Variants in SLC11A1 observed in about 807,000 individuals in gnomAD.
The protein encoded by SLC11A1 is solute carrier family 11 member 1.
Under a neutral mutation model 63.2 loss-of-function variants are expected in SLC11A1, and 59 were observed. That is an observed-to-expected ratio of 0.93 (90% CI 0.76 to 1.16). The LOEUF (loss-of-function observed/expected upper bound fraction) is 1.16. Ranked by LOEUF, SLC11A1 falls within the 50% of genes most tolerant of loss-of-function variation. SLC11A1 has a pLI of 0.00. For missense variants in SLC11A1, 688 were observed against 730.7 expected (o/e 0.94, Z 0.67); for synonymous variants, 305 against 307.8 (o/e 0.99, Z 0.09).
intron 1 of SLC11A1, among the ~76,000 whole-genome samples, chr2:218,382,755 C>T (rs1047159886): frequency 6.6e-6 from 1 of 152,186 alleles, no homozygotes; most frequent in Non-Finnish European, 1.5e-5. Context: ...TCTGTCCTCA[C>T]ATGAGAGGAC....
chr2:218,391,422 G>A lies in SLC11A1; in HGVS notation c.1091G>A (p.Trp364Ter), dbSNP rs1696438148. The change falls in exon 11 of 15, where the codon TGG becomes TAG. Residue 364 changes from tryptophan (W) to a stop codon, truncating the protein, a stop_gained. Coordinates refer to ENST00000233202, the MANE Select transcript of SLC11A1 (RefSeq NM_000578.4). LOFTEE classifies it high-confidence loss of function. ...TTCGGCCCCGCGGCCCTCTACATCT[G>A]GGCCATAGGTCTCCTGGCGGCTGGG... ...CLFGPAALYI[W>*]AIGLLAAGQS... is the part of the protein sequence containing the mutation. 1 of 1,613,798 alleles carries A rather than the reference G, an allele frequency of 6.2e-7. No homozygotes were observed. Among genetic ancestry groups the A allele is most frequent in the African/African-American group, 1.3e-5 (1 of 74,924 alleles).
intron 5 of SLC11A1, 26 bp from the exon 6 acceptor site, chr2:218,387,134 G>A (rs1430158498): frequency 1.4e-5 from 22 of 1,611,606 alleles, no homozygotes; most frequent in Non-Finnish European, 1.8e-5. Context: ...ACCAGGCTGG[G>A]CTGACCCGGG....
At chr2:218,393,302 C>T (rs1696562818) in intron 12 of SLC11A1, among the ~76,000 whole-genome samples, 172 bp downstream of exon 12, 2 of 151,884 alleles carry the variant, frequency 1.3e-5, no homozygotes, top group South Asian at 4.1e-4. Flanking sequence ...GTAGGAATCA[C>T]CATTATCCTT....
chr2:218,385,860 G>A (rs923988174), intron 4 of SLC11A1, among the ~76,000 whole-genome samples: 1 of 152,192 alleles, frequency 6.6e-6, no homozygotes, highest in African/African-American at 2.4e-5. Context: ...ACTGGTTGGG[G>A]TGGACCCTGG....
rs547058327 is a variant in SLC11A1, at chr2:218,394,440, C to T, written c.1389-192C>T. ...CTCAGACTCAGCTCTTGCCAAATCCCGCCAGTGTGTAGCCTGGAGGGCCCA... is the reference window on the plus strand; with the variant it reads ...CTCAGACTCAGCTCTTGCCAAATCCTGCCAGTGTGTAGCCTGGAGGGCCCA... On this transcript the variant is annotated intron_variant, in intron 13 of 14. Coordinates refer to ENST00000233202, the MANE Select transcript of SLC11A1 (RefSeq NM_000578.4). The T allele has an allele frequency of 6.8e-5, 49 of 724,666 alleles. No homozygotes were observed. In the Admixed American group the frequency reaches 7.0e-4, roughly 10 times the overall value. The allele number at this position is 724,666 out of a possible 1,614,324, so 44.9% of individuals were successfully genotyped here.
At chr2:218,394,432 C>A in intron 13 of SLC11A1, 200 bp from the exon 14 acceptor site, 1 of 712,410 alleles carries the variant, frequency 1.4e-6, no homozygotes, top group South Asian at 1.9e-5. Flanking sequence ...TCAGCTCTTG[C>A]CAAATCCCGC....
At chr2:218,382,601 CG>C (rs1213917911) in intron 1 of SLC11A1, among the ~76,000 whole-genome samples, 1 of 152,174 alleles carries the variant, frequency 6.6e-6, no homozygotes, top group Non-Finnish European at 1.5e-5. Context: ...GTCTGAAGTC[CG>C]TGGATCAAAG....
intron 11 of SLC11A1, 166 bp downstream of exon 11, chr2:218,391,661 G>T: frequency 1.1e-6 from 1 of 942,334 alleles, no homozygotes; most frequent in Middle Eastern, 3.4e-4. Context: ...TCTCGCTCTT[G>T]TCGCCCAGGC....
intron 3 of SLC11A1, 44 bp from the exon 4 acceptor site, chr2:218,385,103 A>G (rs1417056993): frequency 1.2e-6 from 2 of 1,609,990 alleles, no homozygotes; most frequent in Non-Finnish European, 1.7e-6. Flanking sequence ...GGGCTTTCTG[A>G]GGCTGGCCTC....
intron 12 of SLC11A1, among the ~76,000 whole-genome samples, chr2:218,393,641 T>C (rs1417051248): frequency 6.6e-6 from 1 of 151,984 alleles, no homozygotes; most frequent in Non-Finnish European, 1.5e-5. Context: ...CACACCCAGC[T>C]AATTTTTTGT....
Position 218,395,132 on chromosome 2 carries a change from G to C in SLC11A1, c.*97G>C. On this transcript the variant is annotated 3_prime_UTR_variant, in exon 15 of 15. Transcript: ENST00000233202. ...GCAGGCAGCAGGATAGAGTGGGACA[G>C]TTCCTGAGACCAGCCAACCTGGGGG... is the stretch of plus-strand genomic sequence containing the variant. The C allele has an allele frequency of 1.1e-6, 1 of 919,472 alleles. No homozygotes were observed. The highest frequency in any genetic ancestry group is 1.7e-6 in the Non-Finnish European group (1 of 599,600). The allele number at this position is 919,472 out of a possible 1,614,324, so 57.0% of individuals were successfully genotyped here.
intron 5 of SLC11A1, 44 bp from the exon 6 acceptor site, chr2:218,387,116 A>C (rs916246043): frequency 6.4e-7 from 1 of 1,567,846 alleles, no homozygotes; most frequent in African/African-American, 1.4e-5. Flanking sequence ...GGAGTTAGAG[A>C]CCCCTGGACC....
In SLC11A1 at chr2:218,394,624, T is replaced by C. The variant is rs746326613; in HGVS notation, c.1389-8T>C. 5 of 1,613,002 alleles carry C rather than the reference T, an allele frequency of 3.1e-6. No individual in the cohort carries two copies. Among genetic ancestry groups the C allele is most frequent in the South Asian group, 2.2e-5 (2 of 91,074 alleles). On this transcript the variant is annotated splice_polypyrimidine_tract_variant and splice_region_variant and intron_variant, in intron 13 of 14. Coordinates refer to ENST00000233202, the MANE Select transcript of SLC11A1 (RefSeq NM_000578.4). Reference sequence around the variant, plus strand: ...CAGCCAGTCCTGAGCCTCTCTCGTGTCCCCCAGGCTGAACAAGGTCGTCAC... The same window carrying C: ...CAGCCAGTCCTGAGCCTCTCTCGTGCCCCCCAGGCTGAACAAGGTCGTCAC...
At position 218,391,416 on chromosome 2, in the gene SLC11A1, A is replaced by G. The variant is rs771798778; in HGVS notation, c.1085A>G (p.Tyr362Cys). 2.5e-6 allele frequency: 4 copies of G among 1,613,838 alleles called. No homozygotes were observed. The Admixed American group carries it at 5.0e-5, about 20-fold the overall frequency. The change falls in exon 11 of 15, where the codon TAC becomes TGC. Residue 362 changes from tyrosine (Y) to cysteine (C), a missense_variant. Transcript: ENST00000233202. ...LGCLFGPAAL[Y>C]IWAIGLLAAG... ...TGCCTGTTCGGCCCCGCGGCCCTCTACATCTGGGCCATAGGTCTCCTGGCG... is the reference window on the plus strand; with the variant it reads ...TGCCTGTTCGGCCCCGCGGCCCTCTGCATCTGGGCCATAGGTCTCCTGGCG...
chr2:218,386,703 C>T lies in SLC11A1; in HGVS notation c.462C>T (p.Ile154=), dbSNP rs757505650. 4 of 1,613,976 alleles carry T rather than the reference C, an allele frequency of 2.5e-6. No individual in the cohort carries two copies. The highest frequency in any genetic ancestry group is 1.3e-5 in the African/African-American group (1 of 74,926). The change falls in exon 5 of 15, where the codon ATC becomes ATT. Residue 154 remains isoleucine (I), a synonymous_variant. Transcript: ENST00000233202. The part of the protein sequence containing the change: ...AIVGSDMQEV[I]GTAIAFNLLS... ...TGGGCTCCGACATGCAGGAAGTCAT[C>T]GGCACGGCCATTGCATTCAATCTGC...
chr2:218,384,171 G>A lies in SLC11A1; in HGVS notation c.151-72G>A. 1.4e-6 allele frequency: 2 copies of A among 1,480,856 alleles called. No homozygotes were observed. The highest frequency in any genetic ancestry group is 1.8e-6 in the Non-Finnish European group (2 of 1,099,888). 91.7% of individuals were successfully genotyped at this position (1,480,856 alleles called of 1,614,324 possible). A position where few individuals can be genotyped will look rare whatever the true frequency, so the allele number is the denominator to read the frequency against. ...TGAGCCTGTTGGGGCTCCTCTAGGGGATGGCCAAGGCCAGCTGCCACCATC... is the reference window on the plus strand; with the variant it reads ...TGAGCCTGTTGGGGCTCCTCTAGGGAATGGCCAAGGCCAGCTGCCACCATC... On this transcript the variant is annotated intron_variant, in intron 2 of 14. Transcript: ENST00000233202. The surrounding 1 kb of genome is among the most constrained non-coding windows in gnomAD (Gnocchi z 4.0).
At chr2:218,386,792 T>A (rs941072595) in intron 5 of SLC11A1, 51 bp downstream of exon 5, 2 of 1,361,542 alleles carry the variant, frequency 1.5e-6, no homozygotes, top group African/African-American at 2.9e-5. Context: ...GAACAGCTGC[T>A]GCTACTTCCC....
chr2:218,384,180 G>A lies in SLC11A1; in HGVS notation c.151-63G>A. 3 of 1,500,388 alleles carry A rather than the reference G, an allele frequency of 2.0e-6. No individual in the cohort carries two copies. The highest frequency in any genetic ancestry group is 1.8e-6 in the Non-Finnish European group (2 of 1,111,148). The allele number at this position is 1,500,388 out of a possible 1,614,324, so 92.9% of individuals were successfully genotyped here. A position where few individuals can be genotyped will look rare whatever the true frequency, so the allele number is the denominator to read the frequency against. On this transcript the variant is annotated intron_variant, in intron 2 of 14. Coordinates refer to ENST00000233202, the MANE Select transcript of SLC11A1 (RefSeq NM_000578.4). The surrounding 1 kb of genome is among the most constrained non-coding windows in gnomAD (Gnocchi z 4.0). ...TGGGGCTCCTCTAGGGGATGGCCAA[G>A]GCCAGCTGCCACCATCCCTATACCC...
In SLC11A1 at chr2:218,395,102, C is replaced by T. The variant is rs1696688937; in HGVS notation, c.*67C>T. The stretch of plus-strand genomic sequence containing the variant: ...ACTGGCCTGCTGGATGTGGAGGGGG[C>T]GCGTGCAGGCAGCAGGATAGAGTGG... On this transcript the variant is annotated 3_prime_UTR_variant, in exon 15 of 15. Transcript: ENST00000233202. 5 of 1,234,664 alleles carry T rather than the reference C, an allele frequency of 4.0e-6. No homozygotes were observed. The highest frequency in any genetic ancestry group is 2.5e-5 in the East Asian group (1 of 39,362). 76.5% of individuals were successfully genotyped at this position (1,234,664 alleles called of 1,614,324 possible). A position where few individuals can be genotyped will look rare whatever the true frequency, so the allele number is the denominator to read the frequency against.
Sources: allele counts gnomAD v4.1 joint callset (sites outside exome capture counted in the v4.1 genomes callset), GRCh38; gene constraint gnomAD v4.1.1; non-coding constraint Gnocchi (gnomAD v3.1); transcripts MANE v1.5; gene names NCBI Gene and HGNC (gene_info 2026-07-23, HGNC 2026-07-21).